The following C4orf54 variants were observed in gnomAD, a reference collection of about 807,000 sequenced individuals.
C4orf54 encodes the protein uncharacterized protein C4orf54.
Under a neutral mutation model 80.1 loss-of-function variants are expected in C4orf54, and 67 were observed. The ratio of observed to expected loss-of-function variants is 0.84; its 90% confidence interval spans 0.69 to 1.03. The LOEUF (loss-of-function observed/expected upper bound fraction) is 1.03. Ranked by LOEUF, C4orf54 falls within the 50% of genes least tolerant of loss-of-function variation. C4orf54 has a pLI of 0.00. For synonymous variants in C4orf54, 1,000 were observed against 917.0 expected, an observed-to-expected ratio of 1.09 and a Z score of -1.64; for missense variants, 2,434 against 2,253.5, an observed-to-expected ratio of 1.08 and a Z score of -1.62.
chr4:99,650,161 G>T lies in C4orf54; in HGVS notation c.4488C>A (p.Pro1496=). The change falls in exon 2 of 3, where the codon CCC becomes CCA. Residue 1496 remains proline (P), a synonymous_variant. Coordinates refer to ENST00000511828, the MANE Select transcript of C4orf54 (RefSeq NM_001354435.2). ...SRPGASREGP[P]NSSAATLCSL... ...TACAGAGAGTGGCAGCTGAGGAGTT[G>T]GGGGGCCCCTCCCTGGAAGCCCCAG... 1 of 1,535,940 alleles carries T rather than the reference G, an allele frequency of 6.5e-7. No individual in the cohort carries two copies. The highest frequency in any genetic ancestry group is 8.7e-7 in the Non-Finnish European group (1 of 1,146,822).
In C4orf54 at chr4:99,650,503, G is replaced by C; in HGVS notation, c.4146C>G (p.Thr1382=). Residue 1382 remains threonine, a synonymous_variant, in exon 2 of 3, where the codon ACC becomes ACG. Transcript: ENST00000511828. ...GTGGTGGGAGGGGCTGCAGGGGTTG[G>C]GTTCTCTCTACATCCTTGTGGACTG... ...IPPVHKDVER[T]QPLQPLPPLP... 1.3e-6 allele frequency: 2 copies of C among 1,536,102 alleles called. No individual in the cohort carries two copies. Among genetic ancestry groups the C allele is most frequent in the Non-Finnish European group, 1.7e-6 (2 of 1,146,898 alleles).
chr4:99,652,895 G>C lies in C4orf54; in HGVS notation c.1754C>G (p.Ala585Gly). 6.5e-7 allele frequency: 1 copy of C among 1,536,186 alleles called. No homozygotes were observed. The highest frequency in any genetic ancestry group is 8.7e-7 in the Non-Finnish European group (1 of 1,146,924). ...CCTGGTTTGCAGGCGAGCAGGTACA[G>C]CAATGAATTTCTTTGCATGGTCCTG... ...VAQDHAKKFI[A>G]VPARLQTRCG... The change falls in exon 2 of 3, where the codon GCT becomes GGT. Residue 585 changes from alanine to glycine, a missense_variant. Transcript: ENST00000511828.
intron 1 of C4orf54, among the ~76,000 whole-genome samples, 147 bp from the exon 2 acceptor site, chr4:99,654,826 T>A (rs1726954068): frequency 1.3e-5 from 2 of 152,160 alleles, no homozygotes; most frequent in South Asian, 4.1e-4. Flanking sequence ...GCATGTGGAT[T>A]CTAATTCAAA....
In C4orf54 at chr4:99,654,271, G is replaced by C. The variant is rs1726938659; in HGVS notation, c.378C>G (p.Phe126Leu). The change falls in exon 2 of 3, where the codon TTC (phenylalanine) becomes TTG (leucine). Residue 126 changes from phenylalanine (F) to leucine (L), a missense_variant. Coordinates refer to ENST00000511828, the MANE Select transcript of C4orf54 (RefSeq NM_001354435.2). Reference sequence around the variant, plus strand: ...GGAAGAGACAATGGTGATCGCTGGGGAAGTCTTGGGTCCGTCTCTGGCCCC... The same window carrying C: ...GGAAGAGACAATGGTGATCGCTGGGCAAGTCTTGGGTCCGTCTCTGGCCCC... The part of the protein sequence containing the change: ...PLRGQRRTQD[F>L]PSDHHCLFLS... 2.0e-6 allele frequency: 3 copies of C among 1,535,874 alleles called. No homozygotes were observed. The highest frequency in any genetic ancestry group is 2.4e-5 in the East Asian group (1 of 40,924).
rs1480058882 is a variant in C4orf54, at chr4:99,650,163, G to A, written c.4486C>T (p.Pro1496Ser). 6.5e-7 allele frequency: 1 copy of A among 1,535,998 alleles called. No individual in the cohort carries two copies. The highest frequency in any genetic ancestry group is 2.4e-5 in the East Asian group (1 of 40,892). ...CAGAGAGTGGCAGCTGAGGAGTTGGGGGGCCCCTCCCTGGAAGCCCCAGGC... is the reference window on the plus strand; with the variant it reads ...CAGAGAGTGGCAGCTGAGGAGTTGGAGGGCCCCTCCCTGGAAGCCCCAGGC... ...SRPGASREGP[P>S]NSSAATLCSL... Residue 1496 changes from proline to serine, a missense_variant, in exon 2 of 3, where the codon CCC (proline) becomes TCC (serine). By Grantham distance (74) the Pro-to-Ser change is moderately conservative (BLOSUM62 -1). Transcript: ENST00000511828.
chr4:99,655,765 C>A (rs536106258), intron 1 of C4orf54, among the ~76,000 whole-genome samples: 2 of 152,330 alleles, frequency 1.3e-5, no homozygotes, highest in South Asian at 2.1e-4. Context: ...TTGGTGAGAT[C>A]TGACCCTTGT....
Position 99,651,431 on chromosome 4 carries a change from T to C in C4orf54, c.3218A>G (p.Gln1073Arg). ...KTIEDNSRAQQKLFRGDNLEK... is the reference protein window; with the variant it reads ...KTIEDNSRAQRKLFRGDNLEK... ...TAGGTTGTCCCCGCGGAAGAGTTTCTGCTGTGCCCTGCTGTTGTCCTCGAT... is the reference window on the plus strand; with the variant it reads ...TAGGTTGTCCCCGCGGAAGAGTTTCCGCTGTGCCCTGCTGTTGTCCTCGAT... Residue 1073 changes from glutamine to arginine, a missense_variant, in exon 2 of 3, where the codon CAG (glutamine) becomes CGG (arginine). Coordinates refer to ENST00000511828, the MANE Select transcript of C4orf54 (RefSeq NM_001354435.2). 6.5e-7 allele frequency: 1 copy of C among 1,536,300 alleles called. No individual in the cohort carries two copies. The highest frequency in any genetic ancestry group is 8.7e-7 in the Non-Finnish European group (1 of 1,146,916).
rs1225399191 is a variant in C4orf54 at position 99,653,367 on chromosome 4, C to G, written c.1282G>C (p.Asp428His). ...DITSLTEEDD[D>H]NSCYLSTTPS... ...GTGGTGCTGAGGTAGCAGCTGTTGTCGTCGTCCTCTTCGGTCAGACTGGTG... is the reference window on the plus strand; with the variant it reads ...GTGGTGCTGAGGTAGCAGCTGTTGTGGTCGTCCTCTTCGGTCAGACTGGTG... Residue 428 changes from aspartate (D) to histidine (H), a missense_variant, in exon 2 of 3, where the codon GAC becomes CAC. Coordinates refer to ENST00000511828, the MANE Select transcript of C4orf54 (RefSeq NM_001354435.2). 5 of 1,536,062 alleles carry G rather than the reference C, an allele frequency of 3.3e-6. No homozygotes were observed. In the African/African-American group the frequency reaches 6.8e-5, roughly 21 times the overall value.
Position 99,652,399 on chromosome 4 carries a change from A to C in C4orf54, c.2250T>G (p.Leu750=). ...QVQTGSRVVT[L]LEPLNVRSES... is the part of the protein sequence containing the mutation. ...CACTGCGTACATTCAGGGGCTCCAAAAGGGTGACGACGCGGGAGCCCGTCT... is the reference window on the plus strand; with the variant it reads ...CACTGCGTACATTCAGGGGCTCCAACAGGGTGACGACGCGGGAGCCCGTCT... The change falls in exon 2 of 3, where the codon CTT becomes CTG. Residue 750 remains leucine, a synonymous_variant. Coordinates refer to ENST00000511828, the MANE Select transcript of C4orf54 (RefSeq NM_001354435.2). 6.5e-7 allele frequency: 1 copy of C among 1,535,978 alleles called. No individual in the cohort carries two copies. Among genetic ancestry groups the C allele is most frequent in the Non-Finnish European group, 8.7e-7 (1 of 1,146,860 alleles).
Position 99,650,191 on chromosome 4 carries a change from G to T in C4orf54, c.4458C>A (p.Ser1486Arg). 6.5e-7 allele frequency: 1 copy of T among 1,535,988 alleles called. No homozygotes were observed. The highest frequency in any genetic ancestry group is 8.7e-7 in the Non-Finnish European group (1 of 1,146,864). Residue 1486 changes from serine to arginine, a missense_variant, in exon 2 of 3, where the codon AGC becomes AGA. Ser to Arg is a moderately radical substitution (Grantham distance 110). Transcript: ENST00000511828. ...KGSSAAGELLSRPGASREGPP... is the reference protein window; with the variant it reads ...KGSSAAGELLRRPGASREGPP... ...GCCCCTCCCTGGAAGCCCCAGGCCT[G>T]CTAAGAAGCTCCCCTGCAGCAGAGC...
At position 99,652,252 on chromosome 4, in the gene C4orf54, G is replaced by C; in HGVS notation, c.2397C>G (p.Arg799=). The change falls in exon 2 of 3, where the codon CGC becomes CGG. Residue 799 remains arginine (R), a synonymous_variant. Coordinates refer to ENST00000511828, the MANE Select transcript of C4orf54 (RefSeq NM_001354435.2). ...ACTTGGACTTCTGGGGGCCATCGGC[G>C]CGGGAGGTGGGCTTGCTGCCCTCGG... ...ETSEGSKPTS[R]ADGPQKSKFA... 1 of 1,535,946 alleles carries C rather than the reference G, an allele frequency of 6.5e-7. No individual in the cohort carries two copies. The highest frequency in any genetic ancestry group is 1.2e-5 in the South Asian group (1 of 84,046).
chr4:99,644,863 C>CAA (rs35279198), intron 2 of C4orf54, among the ~76,000 whole-genome samples: 80 of 73,870 alleles, frequency 1.1e-3, no homozygotes, highest in African/African-American at 2.6e-3. Flanking sequence ...GAACAAGTTG[C>CAA]AAAAAAAAAA....
chr4:99,646,371 C>T (rs557269772), intron 2 of C4orf54, among the ~76,000 whole-genome samples: 126 of 152,310 alleles, frequency 8.3e-4, no homozygotes, highest in African/African-American at 3.0e-3. Flanking sequence ...TGAATTAGTG[C>T]ATTTTGTTGA....
At chr4:99,643,668 T>C (rs572155491) in intron 2 of C4orf54, among the ~76,000 whole-genome samples, 1 of 151,484 alleles carries the variant, frequency 6.6e-6, no homozygotes, top group South Asian at 2.1e-4. Flanking sequence ...TTTTAGTATA[T>C]GCTTAACACT....
chr4:99,644,528 T>A (rs34874297), intron 2 of C4orf54, among the ~76,000 whole-genome samples: 10,585 of 152,146 alleles, frequency 0.07, 581 homozygotes, highest in African/African-American at 0.15. Context: ...AAATAAACTA[T>A]TCAATTCATG....
chr4:99,649,001 T>C (rs938986995), intron 2 of C4orf54, among the ~76,000 whole-genome samples: 1 of 152,080 alleles, frequency 6.6e-6, no homozygotes, highest in Non-Finnish European at 1.5e-5. Context: ...ACTCAGGCAA[T>C]CTGAAAAGGT....
chr4:99,646,624 G>A (rs1209510190), intron 2 of C4orf54, among the ~76,000 whole-genome samples: 1 of 152,088 alleles, frequency 6.6e-6, no homozygotes, highest in African/African-American at 2.4e-5. Flanking sequence ...CATTCTCTGG[G>A]GACCTCAGTA....
At chr4:99,643,801 G>T (rs923907883) in intron 2 of C4orf54, among the ~76,000 whole-genome samples, 3 of 82,482 alleles carry the variant, frequency 3.6e-5, no homozygotes, top group African/African-American at 1.1e-4. Flanking sequence ...CACCCCCTCC[G>T]CGGCAGTAAA....
Position 99,653,044 on chromosome 4 carries a change from G to A in C4orf54, c.1605C>T (p.Asn535=), listed in dbSNP as rs1387407932. The A allele has an allele frequency of 2.0e-6, 3 of 1,536,176 alleles. No homozygotes were observed. Among genetic ancestry groups the A allele is most frequent in the African/African-American group, 1.4e-5 (1 of 73,174 alleles). ...AAATAATGTTTTGCTTTGCACGCAC[G>A]TTGCTAGGCTCATTTATAGCCCGGG... ...PASRAINEPS[N]VRAKQNIIYA... The change falls in exon 2 of 3, where the codon AAC becomes AAT. Residue 535 remains asparagine, a synonymous_variant. Transcript: ENST00000511828.
Sources: gnomAD v4.1 joint callset for allele counts (sites outside exome capture counted in the v4.1 genomes callset) on GRCh38, gnomAD v4.1.1 for gene constraint, MANE v1.5 for transcripts, NCBI Gene and HGNC (gene_info 2026-07-23, HGNC 2026-07-21) for gene names.